The following GLIS3 variants were observed in gnomAD, a reference collection of about 807,000 sequenced individuals.
GLIS3 encodes the protein GLIS family zinc finger 3.
GLIS3 carries 53 observed loss-of-function variants against 78.6 expected under a neutral mutation model. The observed-to-expected ratio is 0.67, with a 90% confidence interval of 0.54 to 0.85. GLIS3 has a LOEUF of 0.85. GLIS3 is among the 40% of genes least tolerant of loss of function. The pLI, the probability that GLIS3 is intolerant of heterozygous loss-of-function variation, is 0.00. For synonymous variants in GLIS3, 684 were observed against 509.9 expected (o/e 1.34, Z -4.60); for missense variants, 1,703 against 1,231.1 (o/e 1.38, Z -5.74).
chr9:3,939,294 C>A (rs1588272721), intron 4 of GLIS3, among the ~76,000 whole-genome samples: 2 of 152,250 alleles, frequency 1.3e-5, no homozygotes, highest in African/African-American at 4.8e-5. Flanking sequence ...AAAACAACAT[C>A]CCTAGTTCTA....
intron 2 of GLIS3, among the ~76,000 whole-genome samples, chr9:4,218,315 G>A (rs371997403): frequency 1.3e-4 from 19 of 151,714 alleles, no homozygotes; most frequent in African/African-American, 3.9e-4. Context: ...ATGGAGTCTC[G>A]CTCTGTCGCC....
intron 2 of GLIS3, among the ~76,000 whole-genome samples, chr9:4,225,412 C>T (rs1269048326): frequency 6.6e-6 from 1 of 152,122 alleles, no homozygotes; most frequent in Non-Finnish European, 1.5e-5. Flanking sequence ...ATTTTTTAAC[C>T]ATTAGAAAAT....
chr9:3,939,711 G>T (rs114609898), intron 4 of GLIS3, among the ~76,000 whole-genome samples: 1 of 152,036 alleles, frequency 6.6e-6, no homozygotes, highest in Non-Finnish European at 1.5e-5. Flanking sequence ...CAGTATTCTC[G>T]GGGAAAAGAT....
In GLIS3 at chr9:4,139,076, T is replaced by G. The variant is rs142972784; in HGVS notation, c.389-13135A>C. Reference sequence around the variant, plus strand: ...GGAAGAGCAAACGGAGCAAACAGGGTAAAGCCCAACTTATCTTATTAAGAA... The same window carrying G: ...GGAAGAGCAAACGGAGCAAACAGGGGAAAGCCCAACTTATCTTATTAAGAA... On this transcript the variant is annotated intron_variant, in intron 2 of 10. Transcript: ENST00000381971. Among the ~76,000 whole-genome samples the G allele has an allele frequency of 2.6e-5, 4 of 152,240 alleles. No homozygotes were observed. The East Asian group carries it at 7.7e-4, about 29-fold the overall frequency.
At chr9:4,050,998 T>C (rs1390975209) in intron 4 of GLIS3, among the ~76,000 whole-genome samples, 1 of 152,068 alleles carries the variant, frequency 6.6e-6, no homozygotes, top group Non-Finnish European at 1.5e-5. Flanking sequence ...ATAAACTCCT[T>C]CTGAAGAATG....
At chr9:4,403,269 G>A in the GLIS3 span, among the ~76,000 whole-genome samples, 24 of 152,222 alleles carry the variant, frequency 1.6e-4, no homozygotes, top group African/African-American at 4.3e-4. Flanking sequence ...AAAAGCTGAG[G>A]GATTTTATCA....
intron 2 of GLIS3, among the ~76,000 whole-genome samples, chr9:4,276,097 A>G (rs182684334): frequency 2.4e-4 from 37 of 151,658 alleles, no homozygotes; most frequent in Non-Finnish European, 1.0e-4. Context: ...CAGCCTGAGC[A>G]ACATAGAAAA....
the GLIS3 span, among the ~76,000 whole-genome samples, chr9:4,484,887 T>C: frequency 6.6e-6 from 1 of 152,152 alleles, no homozygotes; most frequent in Admixed American, 6.6e-5. Context: ...TGCTAAGTTG[T>C]AGGCATAAAT....
At chr9:4,441,829 T>C in the GLIS3 span, among the ~76,000 whole-genome samples, 4 of 152,142 alleles carry the variant, frequency 2.6e-5, no homozygotes, top group Admixed American at 6.6e-5. Context: ...TGTTCTAGAA[T>C]CCTGGGCTCA....
At position 4,158,991 on chromosome 9, in the gene GLIS3, TG is replaced by T. The variant is rs202240582; in HGVS notation, c.389-33051del. 4.9e-3 allele frequency among the ~76,000 whole-genome samples: 623 copies of T among 126,126 alleles called. 5 individuals carry two copies. Among genetic ancestry groups the T allele is most frequent in the South Asian group, 0.034 (126 of 3,750 alleles). 82.7% of individuals were successfully genotyped at this position (126,126 alleles called of 152,430 possible). A position where few individuals can be genotyped will look rare whatever the true frequency, so the allele number is the denominator to read the frequency against. On this transcript the variant is annotated intron_variant, in intron 2 of 10. Transcript: ENST00000381971. ...GAAAAAAATGGCTAGTACAAAGACC[TG>T]AAGGCTGAACCAGCTTGGTATGCTA...
chr9:3,921,282 C>A (rs769926826), intron 6 of GLIS3, among the ~76,000 whole-genome samples: 8 of 152,182 alleles, frequency 5.3e-5, no homozygotes, highest in Non-Finnish European at 1.0e-4. Flanking sequence ...TGAGCACCTC[C>A]TACATTCTGC....
At chr9:4,213,745 T>C (rs2145782) in intron 2 of GLIS3, among the ~76,000 whole-genome samples, 56,267 of 151,902 alleles carry the variant, frequency 0.37, 10,621 homozygotes, top group Non-Finnish European at 0.41. Flanking sequence ...TGGGAATTAA[T>C]GCATAATATA....
intron 2 of GLIS3, among the ~76,000 whole-genome samples, chr9:4,172,090 T>C (rs1192366049): frequency 2.0e-5 from 3 of 152,172 alleles, no homozygotes; most frequent in South Asian, 2.1e-4. Context: ...TAAGGCTATA[T>C]GAGAAATGAA....
At chr9:4,194,625 T>A (rs975822822) in intron 2 of GLIS3, among the ~76,000 whole-genome samples, 7 of 152,030 alleles carry the variant, frequency 4.6e-5, no homozygotes, top group African/African-American at 1.5e-4. Flanking sequence ...GCAGAATCAT[T>A]ATAGACACCC....
chr9:4,271,910 C>T (rs10814907), intron 2 of GLIS3, among the ~76,000 whole-genome samples: 32,381 of 152,012 alleles, frequency 0.21, 3,630 homozygotes, highest in Admixed American at 0.25. Flanking sequence ...GCCATGTGAC[C>T]GTGGCTAAGT....
chr9:4,008,212 A>G (rs55754007), intron 4 of GLIS3, among the ~76,000 whole-genome samples: 5,081 of 152,216 alleles, frequency 0.033, 112 homozygotes, highest in Non-Finnish European at 0.055. Context: ...CCTGAGGTTC[A>G]TTTCCACAGT....
chr9:4,316,294 CTCCCATAAGG>C (rs1484161092), intron 2 of GLIS3, among the ~76,000 whole-genome samples: 2 of 152,358 alleles, frequency 1.3e-5, no homozygotes, highest in African/African-American at 4.8e-5. Context: ...TTCACAGATT[CTCCCATAAGG>C]TCCCACAACT....
At position 4,331,618 on chromosome 9, in the gene GLIS3, C is replaced by T. The variant is rs148710814; in HGVS notation, n.264+15463G>A. 2.2e-4 allele frequency among the ~76,000 whole-genome samples: 34 copies of T among 152,284 alleles called. 1 individual carries two copies. Among genetic ancestry groups the T allele is most frequent in the Admixed American group, 1.5e-3 (23 of 15,302 alleles). On this transcript the variant is annotated intron_variant and non_coding_transcript_variant, in intron 2 of 4. Transcript: ENST00000471664. ...TATGGAGCCTGTACTTGAGCGACAG[C>T]GGTCAGTGGTAAATTCACCCAATTA...
At chr9:3,980,947 G>C (rs10441689) in intron 4 of GLIS3, among the ~76,000 whole-genome samples, 4,499 of 152,136 alleles carry the variant, frequency 0.03, 228 homozygotes, top group African/African-American at 0.1. Context: ...GGTTTCTCTC[G>C]ACAGCCCTCC....
Sources: gnomAD v4.1 joint callset for allele counts (sites outside exome capture counted in the v4.1 genomes callset) on GRCh38, gnomAD v4.1.1 for gene constraint, MANE v1.5 for transcripts, NCBI Gene and HGNC (gene_info 2026-07-23, HGNC 2026-07-21) for gene names.